Variants in MYO9A observed in about 807,000 individuals in gnomAD.
MYO9A encodes myosin IXA.
In MYO9A, 103 loss-of-function variants were observed where a neutral mutation model predicts 293.3. The ratio of observed to expected loss-of-function variants is 0.35; its 90% confidence interval spans 0.30 to 0.41. MYO9A has a LOEUF of 0.41. MYO9A is among the 10% of genes least tolerant of loss of function. The pLI, the probability that MYO9A is intolerant of heterozygous loss-of-function variation, is 1.00. For synonymous variants in MYO9A, 1,001 were observed against 1,035.7 expected, an observed-to-expected ratio of 0.97 and a Z score of 0.64; for missense variants, 2,685 against 3,033.0, an observed-to-expected ratio of 0.89 and a Z score of 2.69.
chr15:72,040,854 AAT>A (rs2078206859), intron 2 of MYO9A, among the ~76,000 whole-genome samples: 3 of 152,246 alleles, frequency 2.0e-5, no homozygotes, highest in Non-Finnish European at 4.4e-5. Flanking sequence ...ATGAAAACAC[AAT>A]ATGTCAGAAT....
chr15:71,933,462 A>ATTCC (rs2058537857), intron 18 of MYO9A, among the ~76,000 whole-genome samples: 1 of 152,184 alleles, frequency 6.6e-6, no homozygotes, highest in Non-Finnish European at 1.5e-5. Flanking sequence ...AAAATGGTAT[A>ATTCC]TATCACAAAT....
chr15:71,836,985 T>A (rs897757586), intron 39 of MYO9A, among the ~76,000 whole-genome samples: 3 of 151,614 alleles, frequency 2.0e-5, no homozygotes, highest in Admixed American at 2.0e-4. Context: ...TGTTTCTGTG[T>A]TTTGTATGTG....
chr15:71,949,836 C>T (rs1388946036), intron 15 of MYO9A, among the ~76,000 whole-genome samples: 1 of 151,910 alleles, frequency 6.6e-6, no homozygotes, highest in Non-Finnish European at 1.5e-5. Context: ...ACATAATAAG[C>T]CAGTATGGTG....
intron 1 of MYO9A, among the ~76,000 whole-genome samples, chr15:72,048,759 C>T (rs1410356809): frequency 1.3e-5 from 2 of 152,246 alleles, no homozygotes; most frequent in East Asian, 3.9e-4. Flanking sequence ...TGAAAAAAAA[C>T]CTTTTCAGAT....
At chr15:72,080,335 G>A (rs914170934) in intron 1 of MYO9A, among the ~76,000 whole-genome samples, 25 of 142,240 alleles carry the variant, frequency 1.8e-4, no homozygotes. Flanking sequence ...TGGTAAATGT[G>A]GGTATTTTAA....
intron 1 of MYO9A, among the ~76,000 whole-genome samples, chr15:72,097,988 ATTTCCTC>A (rs1465641887): frequency 1.3e-5 from 2 of 152,142 alleles, no homozygotes; most frequent in Non-Finnish European, 2.9e-5. Flanking sequence ...CTATAAGATC[ATTTCCTC>A]TGAAAACAAT....
At chr15:71,941,297 T>C (rs2058767279) in intron 15 of MYO9A, among the ~76,000 whole-genome samples, 1 of 152,110 alleles carries the variant, frequency 6.6e-6, no homozygotes, top group Admixed American at 6.5e-5. Context: ...TAGCCCGGCA[T>C]GGTGGCACAC....
At chr15:71,957,613 A>T (rs1338510132) in intron 14 of MYO9A, among the ~76,000 whole-genome samples, 1 of 152,136 alleles carries the variant, frequency 6.6e-6, no homozygotes, top group African/African-American at 2.4e-5. Context: ...CATTTTTGAA[A>T]ATAGATGGTC....
chr15:72,117,106 G>A (rs1222372356), intron 1 of MYO9A: 1 of 152,294 alleles, frequency 6.6e-6, no homozygotes, highest in African/African-American at 2.4e-5. Context: ...ACAGTCGGTG[G>A]TGGGAGAGAA....
intron 1 of MYO9A, among the ~76,000 whole-genome samples, chr15:72,063,930 A>G (rs1302091875): frequency 6.6e-6 from 1 of 152,220 alleles, no homozygotes; most frequent in Non-Finnish European, 1.5e-5. Flanking sequence ...CAAATGGATA[A>G]AGAAAATGTG....
chr15:72,070,148 A>T (rs1278567519), intron 1 of MYO9A, among the ~76,000 whole-genome samples: 5 of 148,942 alleles, frequency 3.4e-5, no homozygotes, highest in Non-Finnish European at 6.0e-5. Flanking sequence ...AAAAAAAAAA[A>T]GAATGAACGT....
chr15:71,951,614 A>G, intron 15 of MYO9A, 163 bp downstream of exon 15: 1 of 692,980 alleles, frequency 1.4e-6, no homozygotes, highest in Non-Finnish European at 2.3e-6. Flanking sequence ...AGTATTTTCA[A>G]AAGAAAGTAC....
At chr15:72,117,455 G>T (rs1165690124) in intron 1 of MYO9A, among the ~76,000 whole-genome samples, 2 of 152,176 alleles carry the variant, frequency 1.3e-5, no homozygotes, top group Non-Finnish European at 2.9e-5. Flanking sequence ...GAATCTCCGG[G>T]GAGGCTGGAG....
chr15:72,117,917 C>G lies in MYO9A; in HGVS notation c.-309G>C. The G allele has an allele frequency of 2.5e-6, 1 of 398,750 alleles. No individual in the cohort carries two copies. Among genetic ancestry groups the G allele is most frequent in the Admixed American group, 4.4e-5 (1 of 22,728 alleles). 24.7% of individuals were successfully genotyped at this position (398,750 alleles called of 1,614,324 possible). A position where few individuals can be genotyped will look rare whatever the true frequency, so the allele number is the denominator to read the frequency against. ...AGCAGGCACATCCCCCGCCGCACCC[C>G]GCCCAGAGAGCACGCGTTGGACCGC... On this transcript the variant is annotated 5_prime_UTR_variant, in exon 1 of 42. Coordinates refer to ENST00000356056, the MANE Select transcript of MYO9A (RefSeq NM_006901.4).
At chr15:72,038,992 T>A (rs1222026707) in intron 2 of MYO9A, among the ~76,000 whole-genome samples, 1 of 152,102 alleles carries the variant, frequency 6.6e-6, no homozygotes, top group Non-Finnish European at 1.5e-5. Context: ...GATATATATC[T>A]ATATAAAGGG....
At chr15:72,110,859 T>C (rs1403784681) in intron 1 of MYO9A, among the ~76,000 whole-genome samples, 1 of 152,110 alleles carries the variant, frequency 6.6e-6, no homozygotes, top group African/African-American at 2.4e-5. Context: ...ACAGTGAAAT[T>C]CTTAAAATTC....
Position 71,916,206 on chromosome 15 carries a change from T to C in MYO9A, c.2685+164A>G, listed in dbSNP as rs956769066. 1.3e-4 allele frequency among the ~76,000 whole-genome samples: 20 copies of C among 152,328 alleles called. No individual in the cohort carries two copies. In the South Asian group the frequency reaches 1.4e-3, roughly 11 times the overall value. ...TGAAAAACAAAGGCATCTGACTTTT[T>C]TTTTTTCATCTTTGGTTCTTTTTTC... On this transcript the variant is annotated intron_variant, in intron 19 of 41. Coordinates refer to ENST00000356056, the MANE Select transcript of MYO9A (RefSeq NM_006901.4).
chr15:72,011,763 C>A (rs137991619), intron 6 of MYO9A, among the ~76,000 whole-genome samples: 3 of 152,284 alleles, frequency 2.0e-5, no homozygotes, highest in Non-Finnish European at 4.4e-5. Flanking sequence ...CAGTCCCTTG[C>A]ACTTTCAAAA....
chr15:71,905,697 A>G (rs1229616251), intron 19 of MYO9A, among the ~76,000 whole-genome samples: 11 of 126,586 alleles, frequency 8.7e-5, no homozygotes, highest in African/African-American at 3.3e-4. Flanking sequence ...TGGGAGGTGG[A>G]GGTTGCAGTA....
Sources: allele counts gnomAD v4.1 joint callset (sites outside exome capture counted in the v4.1 genomes callset), GRCh38; gene constraint gnomAD v4.1.1; transcripts MANE v1.5; gene names NCBI Gene and HGNC (gene_info 2026-07-23, HGNC 2026-07-21).